Variants in CLHC1 observed in about 807,000 individuals in gnomAD.
CLHC1 encodes the protein clathrin heavy chain linker domain containing 1.
Under a neutral mutation model 69.5 loss-of-function variants are expected in CLHC1, and 72 were observed. The observed-to-expected ratio is 1.04, with a 90% CI of 0.86 to 1.26. The LOEUF (loss-of-function observed/expected upper bound fraction) is 1.26. Among genes scored for constraint, CLHC1 ranks in the 50% most tolerant of loss-of-function variants. The pLI, the probability that CLHC1 is intolerant of heterozygous loss-of-function variation, is 0.00. For missense variants in CLHC1, 790 were observed against 679.3 expected (o/e 1.16, Z -1.81); for synonymous variants, 223 against 224.3 (o/e 0.99, Z 0.05).
intron 9 of CLHC1, among the ~76,000 whole-genome samples, chr2:55,197,982 C>A (rs186967863): frequency 6.6e-6 from 1 of 152,058 alleles, no homozygotes; most frequent in Non-Finnish European, 1.5e-5. Context: ...AGAATCCTAT[C>A]GGAAAAATTT....
chr2:55,209,947 T>G (rs1672824096), intron 5 of CLHC1, 116 bp from the exon 6 acceptor site: 2 of 648,652 alleles, frequency 3.1e-6, no homozygotes, highest in Admixed American at 2.9e-5. Context: ...GAAATGATAG[T>G]ATGTACTTAT....
In CLHC1 at chr2:55,206,356, A is replaced by T. The variant is rs527860921; in HGVS notation, c.920T>A (p.Leu307His). The change falls in exon 9 of 13, where the codon CTT becomes CAT. Residue 307 changes from leucine (L) to histidine (H), a missense_variant. Coordinates refer to ENST00000401408, the MANE Select transcript of CLHC1 (RefSeq NM_152385.4). ...ACAAGCTGCCTTTTCATATTCACCA[A>T]GTGAGATTAACTCATTAAACCTATA... is the stretch of plus-strand genomic sequence containing the variant. ...YIERFNELISLGEYEKAACYA... is the reference protein window; with the variant it reads ...YIERFNELISHGEYEKAACYA... 6 of 1,603,862 alleles carry T rather than the reference A, an allele frequency of 3.7e-6. No homozygotes were observed. Among genetic ancestry groups the T allele is most frequent in the Admixed American group, 3.3e-5 (2 of 59,992 alleles).
At chr2:55,218,102 G>A (rs756021664) in intron 3 of CLHC1, 104 bp from the exon 4 acceptor site, 1 of 567,116 alleles carries the variant, frequency 1.8e-6, no homozygotes, top group East Asian at 3.4e-5. Context: ...AATGAAACAT[G>A]ATTAGCAATT....
chr2:55,208,775 A>C, intron 7 of CLHC1, 65 bp from the exon 8 acceptor site: 1 of 1,145,198 alleles, frequency 8.7e-7, no homozygotes, highest in Non-Finnish European at 1.3e-6. Context: ...AACAATAAAC[A>C]TACATGTGTT....
chr2:55,229,392 G>A (rs1187047301), intron 1 of CLHC1, among the ~76,000 whole-genome samples: 1 of 152,054 alleles, frequency 6.6e-6, no homozygotes, highest in Non-Finnish European at 1.5e-5. Context: ...GGAGATGAGT[G>A]GTTGAGGCAA....
At chr2:55,192,204 T>C (rs1671000563) in intron 9 of CLHC1, among the ~76,000 whole-genome samples, 1 of 151,832 alleles carries the variant, frequency 6.6e-6, no homozygotes. Context: ...ACTGCAACCT[T>C]TGCCTCCTGG....
rs1228655911 is a variant in CLHC1 at position 55,173,583 on chromosome 2, T to G, written c.*2207A>C. 6.6e-6 allele frequency among the ~76,000 whole-genome samples: 1 copy of G among 152,208 alleles called. No individual in the cohort carries two copies. The highest frequency in any genetic ancestry group is 2.4e-5 in the African/African-American group (1 of 41,438). On this transcript the variant is annotated 3_prime_UTR_variant, in exon 13 of 13. Coordinates refer to ENST00000401408, the MANE Select transcript of CLHC1 (RefSeq NM_152385.4). ...ACACATAGCTAGACAGTGGTGGGGC[T>G]GGTCTAGAATGCAGGTTTCTGTGCT...
intron 11 of CLHC1, among the ~76,000 whole-genome samples, chr2:55,178,556 G>T (rs11679663): frequency 0.47 from 71,525 of 152,002 alleles, 17,381 homozygotes; most frequent in Non-Finnish European, 0.53. Flanking sequence ...TAGGCATAAT[G>T]ATTGTGTACT....
chr2:55,180,740 T>C (rs944518072), intron 10 of CLHC1, 28 bp from the exon 11 acceptor site: 3 of 1,591,274 alleles, frequency 1.9e-6, no homozygotes, highest in South Asian at 2.2e-5. Flanking sequence ...ATAAGACATA[T>C]GTTAGAAAAT....
At chr2:55,201,120 A>G (rs1231214539) in intron 9 of CLHC1, among the ~76,000 whole-genome samples, 4 of 152,092 alleles carry the variant, frequency 2.6e-5, no homozygotes, top group Non-Finnish European at 4.4e-5. Context: ...TGCATCTTAA[A>G]GAACTAGAAA....
intron 3 of CLHC1, 31 bp from the exon 4 acceptor site, chr2:55,218,029 G>C: frequency 8.1e-7 from 1 of 1,239,722 alleles, no homozygotes; most frequent in East Asian, 2.8e-5. Flanking sequence ...CTATGGTATT[G>C]ATTTTTTTTC....
intron 10 of CLHC1, 26 bp from the exon 11 acceptor site, chr2:55,180,738 T>A: frequency 6.3e-7 from 1 of 1,598,118 alleles, no homozygotes; most frequent in Non-Finnish European, 8.6e-7. Context: ...CAATAAGACA[T>A]ATGTTAGAAA....
chr2:55,194,933 T>C (rs180752638), intron 9 of CLHC1, among the ~76,000 whole-genome samples: 28 of 152,020 alleles, frequency 1.8e-4, no homozygotes, highest in South Asian at 8.3e-4. Context: ...TTCTTTTTTT[T>C]GGGGGATGGG....
intron 9 of CLHC1, among the ~76,000 whole-genome samples, chr2:55,192,100 T>C (rs1442431492): frequency 1.3e-4 from 20 of 151,726 alleles, no homozygotes; most frequent in Non-Finnish European, 2.9e-5. Context: ...AGGCAAAGAC[T>C]GTCAGATTGT....
Position 55,209,860 on chromosome 2 carries a change from G to A in CLHC1, c.500-29C>T, listed in dbSNP as rs11890896. ...TGGGGAAAGGGAACAAATCAAACAC[G>A]ACAAGCCATGTGTGGGACGCTTGTG... On this transcript the variant is annotated intron_variant, in intron 5 of 12. Transcript: ENST00000401408. 21,551 of 1,455,006 alleles carry A rather than the reference G, an allele frequency of 0.015. 2,221 individuals carry two copies. The African/African-American group carries it at 0.24, about 16-fold the overall frequency. The allele number at this position is 1,455,006 out of a possible 1,614,324, so 90.1% of individuals were successfully genotyped here.
chr2:55,227,841 A>G (rs1674864891), intron 2 of CLHC1, among the ~76,000 whole-genome samples, 191 bp downstream of exon 2: 3 of 96,638 alleles, frequency 3.1e-5, no homozygotes. Flanking sequence ...TTCAGAAACT[A>G]ATGACTCTTT....
At chr2:55,213,588 C>T (rs550866319) in intron 4 of CLHC1, among the ~76,000 whole-genome samples, 2 of 135,294 alleles carry the variant, frequency 1.5e-5, no homozygotes, top group Admixed American at 7.4e-5. Context: ...GGAAGGACAG[C>T]ACTTCCCTGA....
intron 4 of CLHC1, among the ~76,000 whole-genome samples, chr2:55,217,245 G>A (rs1198952290): frequency 6.6e-6 from 1 of 151,222 alleles, no homozygotes; most frequent in Non-Finnish European, 1.5e-5. Context: ...GGCCAGCACA[G>A]TGGTTCACAC....
rs552865658 is a variant in CLHC1, at chr2:55,222,500, GA to G, written c.-82-8del. ...AGCCAAAACTTTGATAAGCCTGAAA[GA>G]AAAAAAGAGCATCAATTAATATAAT... On this transcript the variant is annotated splice_polypyrimidine_tract_variant and splice_region_variant and intron_variant, in intron 2 of 12. Coordinates refer to ENST00000401408, the MANE Select transcript of CLHC1 (RefSeq NM_152385.4). 5.6e-4 allele frequency: 483 copies of G among 856,168 alleles called. 6 individuals are homozygous for G. The Admixed American group carries it at 9.0e-3, about 16-fold the overall frequency. 53.0% of individuals were successfully genotyped at this position (856,168 alleles called of 1,614,324 possible).
Sources: allele counts gnomAD v4.1 joint callset (sites outside exome capture counted in the v4.1 genomes callset), GRCh38; gene constraint gnomAD v4.1.1; transcripts MANE v1.5; gene names NCBI Gene and HGNC (gene_info 2026-07-23, HGNC 2026-07-21).